The following MTSS2 variants were observed in gnomAD, a reference collection of about 807,000 sequenced individuals.
MTSS2 encodes the protein protein MTSS 2.
In MTSS2, 27 loss-of-function variants were observed where a neutral mutation model predicts 67.1. That is an observed-to-expected ratio of 0.40 (90% CI 0.30 to 0.55). MTSS2 has a LOEUF of 0.55. MTSS2 is among the 20% of genes least tolerant of loss of function. The pLI, the probability that MTSS2 is intolerant of heterozygous loss-of-function variation, is 0.43. For missense variants in MTSS2, 1,171 were observed against 1,067.8 expected (o/e 1.10, Z -1.35); for synonymous variants, 624 against 468.6 (o/e 1.33, Z -4.28).
At chr16:70,667,946 G>A (rs975228707) in intron 11 of MTSS2, among the ~76,000 whole-genome samples, 1 of 149,396 alleles carries the variant, frequency 6.7e-6, no homozygotes, top group Admixed American at 6.7e-5. Flanking sequence ...CAAACAGAGG[G>A]ATATCTGCAA....
intron 12 of MTSS2, 123 bp downstream of exon 12, chr16:70,665,343 G>A: frequency 4.6e-6 from 5 of 1,091,200 alleles, no homozygotes; most frequent in East Asian, 2.6e-5. Context: ...TTGGGGACAG[G>A]TGCTGTGTGC....
At chr16:70,670,212 A>T (rs575388732) in intron 11 of MTSS2, among the ~76,000 whole-genome samples, 2 of 152,054 alleles carry the variant, frequency 1.3e-5, no homozygotes, top group Non-Finnish European at 2.9e-5. Context: ...TGGAGGTTGC[A>T]GTGAGCTGAA....
intron 1 of MTSS2, among the ~76,000 whole-genome samples, chr16:70,682,952 C>G (rs1335067101): frequency 6.6e-6 from 1 of 152,172 alleles, no homozygotes; most frequent in Non-Finnish European, 1.5e-5. Flanking sequence ...GGTCACTGCA[C>G]GCCAGGTAGA....
Position 70,685,752 on chromosome 16 carries a change from G to A in MTSS2, c.40C>T (p.Leu14Phe). Residue 14 changes from leucine (L) to phenylalanine (F), a missense_variant, in exon 1 of 15, where the codon CTC becomes TTC. Leu to Phe is a conservative substitution (Grantham distance 22). Coordinates refer to ENST00000338779, the MANE Select transcript of MTSS2 (RefSeq NM_138383.3). ...ATGTCGTTGACTATGGCCTGGAAGA[G>A]CCCGCCCAGGGCGCCGCACTCCTTC... ...AEKECGALGGLFQAIVNDMKS... is the reference protein window; with the variant it reads ...AEKECGALGGFFQAIVNDMKS... 1 of 1,392,166 alleles carries A rather than the reference G, an allele frequency of 7.2e-7. No homozygotes were observed. The highest frequency in any genetic ancestry group is 9.5e-7 in the Non-Finnish European group (1 of 1,053,508). 86.2% of individuals were successfully genotyped at this position (1,392,166 alleles called of 1,614,324 possible).
chr16:70,679,773 G>A lies in MTSS2; in HGVS notation c.382+13C>T, dbSNP rs767288941. On this transcript the variant is annotated intron_variant, in intron 5 of 14. Coordinates refer to ENST00000338779, the MANE Select transcript of MTSS2 (RefSeq NM_138383.3). ...AGTGGGGGGTGGGAAGCCCGGCTCC[G>A]CGCCACCCTCACCTTTCGCGTGGTC... The A allele has an allele frequency of 6.2e-7, 1 of 1,611,102 alleles. No individual in the cohort carries two copies. Among genetic ancestry groups the A allele is most frequent in the Non-Finnish European group, 8.5e-7 (1 of 1,179,204 alleles).
intron 1 of MTSS2, among the ~76,000 whole-genome samples, chr16:70,682,756 A>C (rs907590013): frequency 6.6e-6 from 1 of 151,914 alleles, no homozygotes; most frequent in African/African-American, 2.4e-5. Context: ...CTGATTAAAA[A>C]TAAGAGATAG....
At chr16:70,665,715 C>G in intron 11 of MTSS2, 175 bp from the exon 12 acceptor site, 1 of 575,910 alleles carries the variant, frequency 1.7e-6, no homozygotes, top group Non-Finnish European at 3.1e-6. Context: ...GTGTCTGCAG[C>G]AGCACACAGC....
intron 7 of MTSS2, 32 bp downstream of exon 7, chr16:70,679,283 G>C: frequency 6.2e-7 from 1 of 1,613,330 alleles, no homozygotes; most frequent in South Asian, 1.1e-5. Context: ...AAGGACGGGA[G>C]GAGCAGCTGG....
rs78335918 is a variant in MTSS2, at chr16:70,663,511, T to G, written c.*166A>C. 0.1 allele frequency: 130,154 copies of G among 1,303,802 alleles called. 6,960 individuals are homozygous for G. The highest frequency in any genetic ancestry group is 0.11 in the East Asian group (4,024 of 36,988). 80.8% of individuals were successfully genotyped at this position (1,303,802 alleles called of 1,614,324 possible). The stretch of plus-strand genomic sequence containing the variant: ...CCAGGCTTGCTAAGAAGTCACTTCC[T>G]GTTTAAATGCTGGAATCCAAGTGAG... On this transcript the variant is annotated 3_prime_UTR_variant, in exon 15 of 15. Coordinates refer to ENST00000338779, the MANE Select transcript of MTSS2 (RefSeq NM_138383.3).
intron 1 of MTSS2, 134 bp from the exon 2 acceptor site, chr16:70,681,159 AGGCTCTGGGTCCTCTCGGAG>A: frequency 2.6e-6 from 2 of 781,298 alleles, no homozygotes; most frequent in South Asian, 3.7e-5. Context: ...ATGGAGAGGG[AGGCTCTGGGTCCTCTCGGAG>A]GGCAGAGGAC....
intron 11 of MTSS2, among the ~76,000 whole-genome samples, chr16:70,671,725 A>C (rs545414477): frequency 6.9e-4 from 105 of 152,274 alleles, no homozygotes; most frequent in South Asian, 8.3e-4. Flanking sequence ...AAAAGGGAGA[A>C]ATAATGACTC....
chr16:70,664,707 G>A lies in MTSS2; in HGVS notation c.1362C>T (p.Gly454=). 3 of 1,613,170 alleles carry A rather than the reference G, an allele frequency of 1.9e-6. No homozygotes were observed. The highest frequency in any genetic ancestry group is 8.5e-7 in the Non-Finnish European group (1 of 1,179,840). ...ASDLAMVLTR[G]LSLEHQKSSR... ...TGCTCTTCTGGTGCTCCAGGCTCAG[G>A]CCCCGCGTCAGCACCATGGCCAGGT... is the stretch of plus-strand genomic sequence containing the variant. Residue 454 remains glycine, a synonymous_variant, in exon 14 of 15, where the codon GGC becomes GGT. Coordinates refer to ENST00000338779, the MANE Select transcript of MTSS2 (RefSeq NM_138383.3).
chr16:70,674,246 C>T, intron 11 of MTSS2, 60 bp downstream of exon 11: 2 of 1,524,620 alleles, frequency 1.3e-6, no homozygotes, highest in Non-Finnish European at 1.8e-6. Context: ...TGTGGCTTGC[C>T]TGATGCTGGC....
At chr16:70,664,793 T>C in intron 13 of MTSS2, 30 bp from the exon 14 acceptor site, 1 of 1,579,942 alleles carries the variant, frequency 6.3e-7, no homozygotes, top group Admixed American at 1.8e-5. Context: ...GGCTGAAGCC[T>C]TGCGCCCCCA....
intron 7 of MTSS2, among the ~76,000 whole-genome samples, chr16:70,679,017 T>G (rs1371034343): frequency 6.6e-6 from 1 of 151,968 alleles, no homozygotes; most frequent in Non-Finnish European, 1.5e-5. Flanking sequence ...AGGTGACAAG[T>G]AAGGACGCAG....
rs537143488 is a variant in MTSS2, at chr16:70,665,025, C to T, written c.1200G>A (p.Glu400=). Residue 400 remains glutamate (E), a synonymous_variant, in exon 13 of 15, where the codon GAG becomes GAA. Transcript: ENST00000338779. ...ATLQRRKDRV[E]LLRDTEPGPA... ...GGCCTGGCTCTGTGTCTCGCAGGAG[C>T]TCCACTCGGTCCTTCCTCCGCTGCA... 4.4e-6 allele frequency: 7 copies of T among 1,596,732 alleles called. No individual in the cohort carries two copies. Among genetic ancestry groups the T allele is most frequent in the African/African-American group, 4.0e-5 (3 of 75,046 alleles).
Position 70,678,296 on chromosome 16 carries a change from G to A in MTSS2, c.580C>T (p.Arg194Trp), listed in dbSNP as rs778297929. The change falls in exon 8 of 15, where the codon CGG becomes TGG. Residue 194 changes from arginine (R) to tryptophan (W), a missense_variant. By Grantham distance (101) the Arg-to-Trp change is moderately radical. Around this residue, in one of 2 missense-constraint regions of MTSS2, gnomAD observed 247 missense variants for 311.8 expected, o/e 0.79. Transcript: ENST00000338779. ...QAVRRALIEE[R>W]GRFCTFITFL... is the part of the protein sequence containing the mutation. The stretch of plus-strand genomic sequence containing the variant: ...GTGATGAAGGTGCAGAAGCGGCCCC[G>A]CTCCTCGATCAGCGCCCGGCGCACG... The A allele has an allele frequency of 1.2e-6, 2 of 1,612,208 alleles. No homozygotes were observed. Among genetic ancestry groups the A allele is most frequent in the Non-Finnish European group, 1.7e-6 (2 of 1,179,948 alleles).
At chr16:70,665,646 G>A (rs181680531) in intron 11 of MTSS2, 106 bp from the exon 12 acceptor site, 3 of 940,708 alleles carry the variant, frequency 3.2e-6, no homozygotes, top group East Asian at 5.3e-5. Flanking sequence ...CAGGGGGGCG[G>A]TTCAATTCAG....
At chr16:70,683,108 G>A (rs2053349868) in intron 1 of MTSS2, among the ~76,000 whole-genome samples, 1 of 152,212 alleles carries the variant, frequency 6.6e-6, no homozygotes, top group African/African-American at 2.4e-5. Context: ...TCTCATTAGA[G>A]GCGCCCAAGT....
Sources: allele counts gnomAD v4.1 joint callset (sites outside exome capture counted in the v4.1 genomes callset), GRCh38; gene constraint gnomAD v4.1.1; regional missense constraint gnomAD v4.1.1; transcripts MANE v1.5; gene names NCBI Gene and HGNC (gene_info 2026-07-23, HGNC 2026-07-21).